Variants in TRMO observed in about 807,000 individuals in gnomAD.
TRMO encodes the protein tRNA methyltransferase O, also known as tRNA (adenine(37)-N6)-methyltransferase.
In TRMO, 30 loss-of-function variants were observed where a neutral mutation model predicts 37.2. The observed-to-expected ratio is 0.81, with a 90% CI of 0.60 to 1.09. The LOEUF (loss-of-function observed/expected upper bound fraction) is 1.09. Ranked by LOEUF, TRMO falls within the 50% of genes least tolerant of loss-of-function variation. The pLI is 0.00. For missense variants in TRMO, 552 were observed against 549.5 expected, an observed-to-expected ratio of 1.00 and a Z score of -0.05; for synonymous variants, 239 against 199.4, an observed-to-expected ratio of 1.20 and a Z score of -1.67.
chr9:97,908,855 T>C (rs1825979822), intron 4 of TRMO, among the ~76,000 whole-genome samples: 1 of 152,212 alleles, frequency 6.6e-6, no homozygotes, highest in African/African-American at 2.4e-5. Flanking sequence ...AGTAAACAAC[T>C]GTAGAATGAA....
rs760169725 is a variant in TRMO, at chr9:97,916,335, T to C, written c.80A>G (p.Asn27Ser). 3 of 1,606,644 alleles carry C rather than the reference T, an allele frequency of 1.9e-6. No homozygotes were observed. Among genetic ancestry groups the C allele is most frequent in the Non-Finnish European group, 1.7e-6 (2 of 1,177,072 alleles). The stretch of plus-strand genomic sequence containing the variant: ...GTAGCCGACTGGCTCAGTTAAAAGA[T>C]TCCCTACAGGAGAAAATTAGGTAAA... Reference protein sequence around the residue: ...GCVKPALETGNLLTEPVGYLE... With the variant: ...GCVKPALETGSLLTEPVGYLE... Residue 27 changes from asparagine (N) to serine (S), a missense_variant, in exon 2 of 5, where the codon AAT becomes AGT. Physicochemically the swap from Asn to Ser is conservative, Grantham distance 46. Transcript: ENST00000375119.
chr9:97,900,093 T>G (rs1831135010), downstream of TRMO, among the ~76,000 whole-genome samples: 1 of 152,096 alleles, frequency 6.6e-6, no homozygotes, highest in Non-Finnish European at 1.5e-5. Flanking sequence ...AAGCCATTCA[T>G]ACATTGAATT....
chr9:97,915,911 T>C (rs1187206114), intron 2 of TRMO: 3 of 303,762 alleles, frequency 9.9e-6, no homozygotes, highest in Non-Finnish European at 1.8e-5. Context: ...CATGGTGGCA[T>C]ACACCTGCGG....
intron 2 of TRMO, among the ~76,000 whole-genome samples, chr9:97,915,002 A>G (rs1826289731): frequency 1.3e-5 from 2 of 152,226 alleles, no homozygotes; most frequent in African/African-American, 4.8e-5. Flanking sequence ...AATCAGGATC[A>G]TAATACAAAC....
intron 1 of TRMO, among the ~76,000 whole-genome samples, chr9:97,919,886 T>C (rs1471982818): frequency 6.6e-6 from 1 of 152,158 alleles, no homozygotes; most frequent in Non-Finnish European, 1.5e-5. Flanking sequence ...CAAGAGCTAC[T>C]TTGAAAGAGT....
chr9:97,913,189 T>C (rs1226659543), intron 3 of TRMO: 3 of 466,540 alleles, frequency 6.4e-6, no homozygotes, highest in African/African-American at 2.1e-5. Context: ...TATGCAATAA[T>C]ATAAACAAGC....
downstream of TRMO, among the ~76,000 whole-genome samples, chr9:97,903,422 T>C (rs2131510061): frequency 6.6e-6 from 1 of 152,350 alleles, no homozygotes; most frequent in African/African-American, 2.4e-5. Flanking sequence ...GCAGAACTCA[T>C]TTCAAAACTA....
At chr9:97,912,805 C>A in intron 3 of TRMO, 1 of 647,062 alleles carries the variant, frequency 1.5e-6, no homozygotes. Context: ...GAATGGAATG[C>A]TTTCCATAAA....
chr9:97,899,304 C>A, the TRMO span, among the ~76,000 whole-genome samples: 1 of 152,060 alleles, frequency 6.6e-6, no homozygotes, highest in African/African-American at 2.4e-5. Flanking sequence ...AGAAAAGAAA[C>A]CCAGATGAGA....
At chr9:97,921,073 G>A (rs1305697805) in intron 1 of TRMO, among the ~76,000 whole-genome samples, 4 of 152,206 alleles carry the variant, frequency 2.6e-5, no homozygotes, top group African/African-American at 9.6e-5. Flanking sequence ...AATCGGCAGT[G>A]TGCAACAATT....
chr9:97,911,117 T>A (rs1023478933), intron 3 of TRMO: 6 of 295,954 alleles, frequency 2.0e-5, no homozygotes, highest in Admixed American at 8.8e-5. Context: ...GATCCAAAAG[T>A]GGCCCTGTGA....
intron 4 of TRMO, among the ~76,000 whole-genome samples, chr9:97,905,427 C>T (rs186926312): frequency 1.4e-4 from 21 of 152,296 alleles, no homozygotes; most frequent in Admixed American, 1.1e-3. Flanking sequence ...TAAACCCACA[C>T]ACACCCAGAA....
intron 1 of TRMO, among the ~76,000 whole-genome samples, chr9:97,917,248 A>G (rs758345353): frequency 1.1e-4 from 16 of 152,248 alleles, no homozygotes; most frequent in Non-Finnish European, 2.1e-4. Flanking sequence ...ATAAGTAAGG[A>G]TATCTTCAAT....
intron 2 of TRMO, among the ~76,000 whole-genome samples, chr9:97,914,271 G>A (rs956636692): frequency 1.3e-5 from 2 of 152,078 alleles, no homozygotes; most frequent in African/African-American, 2.4e-5. Flanking sequence ...AAGTAGCTAA[G>A]AACCATATGA....
chr9:97,920,728 T>A (rs1357126670), intron 1 of TRMO, among the ~76,000 whole-genome samples: 3 of 152,228 alleles, frequency 2.0e-5, no homozygotes, highest in Admixed American at 2.0e-4. Context: ...CAGGTCCTTT[T>A]CATTTCCACC....
intron 1 of TRMO, among the ~76,000 whole-genome samples, chr9:97,919,464 AAG>A (rs777852640): frequency 6.6e-6 from 1 of 152,176 alleles, no homozygotes; most frequent in African/African-American, 2.4e-5. Context: ...AAAGAAAAGA[AAG>A]AGAGAAACAC....
At chr9:97,915,522 G>C (rs1460071030) in intron 2 of TRMO, among the ~76,000 whole-genome samples, 1 of 152,116 alleles carries the variant, frequency 6.6e-6, no homozygotes, top group Non-Finnish European at 1.5e-5. Flanking sequence ...ATGACCCAGG[G>C]GCAGAGTCAA....
chr9:97,901,694 T>G (rs1335865902), downstream of TRMO, among the ~76,000 whole-genome samples: 1 of 151,506 alleles, frequency 6.6e-6, no homozygotes, highest in Non-Finnish European at 1.5e-5. Flanking sequence ...GTGCTACAAA[T>G]CAGGTATATT....
At chr9:97,898,838 CTTTTTT>C in the TRMO span, among the ~76,000 whole-genome samples, 14 of 89,056 alleles carry the variant, frequency 1.6e-4, no homozygotes, top group East Asian at 3.0e-3. Context: ...TATATATATA[CTTTTTT>C]TTTTTTTTTT....
Sources: allele counts gnomAD v4.1 joint callset (sites outside exome capture counted in the v4.1 genomes callset), GRCh38; gene constraint gnomAD v4.1.1; transcripts MANE v1.5; gene names NCBI Gene and HGNC (gene_info 2026-07-23, HGNC 2026-07-21).